DPH6: variants seen among roughly 807,000 people sequenced by gnomAD.
DPH6 encodes the protein diphthamine biosynthesis 6.
DPH6 carries 33 observed loss-of-function variants against 38.2 expected under a neutral mutation model. The ratio of observed to expected loss-of-function variants is 0.86; its 90% confidence interval spans 0.65 to 1.15. DPH6 has a LOEUF of 1.15. DPH6 is among the 50% of genes most tolerant of loss of function. The probability of loss-of-function intolerance (pLI) is 0.00; values close to 1 mark genes in which losing one functional copy is unlikely to be tolerated. For synonymous variants in DPH6, 108 were observed against 103.0 expected, an observed-to-expected ratio of 1.05 and a Z score of -0.30; for missense variants, 325 against 320.0, an observed-to-expected ratio of 1.02 and a Z score of -0.12.
chr15:35,345,506 TTGTC>T (rs1337452818), intron 3 of DPH6, among the ~76,000 whole-genome samples: 6 of 152,050 alleles, frequency 3.9e-5, no homozygotes, highest in Admixed American at 2.6e-4. Context: ...TTATGCGTGG[TTGTC>T]TGTATTATTC....
At chr15:35,506,475 G>C (rs1248562649) in intron 3 of DPH6, among the ~76,000 whole-genome samples, 1 of 152,086 alleles carries the variant, frequency 6.6e-6, no homozygotes, top group Non-Finnish European at 1.5e-5. Context: ...GCATTTAAGT[G>C]GACTACATTA....
intron 3 of DPH6, among the ~76,000 whole-genome samples, chr15:35,357,549 C>T (rs1031525238): frequency 6.6e-6 from 1 of 152,166 alleles, no homozygotes; most frequent in Admixed American, 6.5e-5. Context: ...ATTGAAAGCT[C>T]CTTTTAGTTC....
At chr15:35,166,096 A>G in the DPH6 span, among the ~76,000 whole-genome samples, 1 of 152,002 alleles carries the variant, frequency 6.6e-6, no homozygotes, top group Non-Finnish European at 1.5e-5. Flanking sequence ...TTTTAAGCTG[A>G]AGGAATTTGA....
chr15:35,439,210 G>C (rs1468893780), intron 5 of DPH6, among the ~76,000 whole-genome samples: 2 of 152,224 alleles, frequency 1.3e-5, no homozygotes, highest in Admixed American at 6.5e-5. Flanking sequence ...CAGAACACGA[G>C]TTAATGGAAT....
At chr15:35,335,062 CTCT>C (rs1355214606) in intron 3 of DPH6, among the ~76,000 whole-genome samples, 1 of 152,036 alleles carries the variant, frequency 6.6e-6, no homozygotes, top group Admixed American at 6.6e-5. Flanking sequence ...TTGCCAGTAT[CTCT>C]TGTTTTTTGA....
chr15:35,527,808 C>A (rs1487425649), intron 3 of DPH6, among the ~76,000 whole-genome samples: 1 of 152,146 alleles, frequency 6.6e-6, no homozygotes, highest in Admixed American at 6.5e-5. Context: ...AAACTGAAGT[C>A]ATATTGCAGT....
intron 3 of DPH6, among the ~76,000 whole-genome samples, chr15:35,470,302 G>T (rs1033206770): frequency 9.2e-5 from 14 of 152,072 alleles, no homozygotes; most frequent in Admixed American, 2.6e-4. Context: ...AGACGCCAAG[G>T]TCAAAGAGGT....
chr15:35,436,419 T>C (rs1189034483), intron 5 of DPH6, among the ~76,000 whole-genome samples: 3 of 150,430 alleles, frequency 2.0e-5, no homozygotes, highest in Non-Finnish European at 2.9e-5. Flanking sequence ...TGAGCCGAGA[T>C]GGCGCCACTG....
At chr15:35,344,728 T>A (rs1198178976) in intron 3 of DPH6, among the ~76,000 whole-genome samples, 1 of 151,930 alleles carries the variant, frequency 6.6e-6, no homozygotes, top group Non-Finnish European at 1.5e-5. Flanking sequence ...TCTAACTGAA[T>A]AACTTTATTC....
At chr15:35,542,965 TA>T (rs1555410132) in intron 1 of DPH6, among the ~76,000 whole-genome samples, 2 of 76,132 alleles carry the variant, frequency 2.6e-5, no homozygotes, top group African/African-American at 4.2e-5. Context: ...TATATATATA[TA>T]AAATAATTTC....
intron 3 of DPH6, among the ~76,000 whole-genome samples, chr15:35,351,798 T>G (rs565232638): frequency 2.7e-4 from 41 of 151,688 alleles, no homozygotes; most frequent in Admixed American, 1.2e-3. Context: ...TATGGCTCAC[T>G]GCAGCACTGA....
chr15:35,311,974 T>G (rs887036063), intron 3 of DPH6, among the ~76,000 whole-genome samples: 4 of 144,592 alleles, frequency 2.8e-5, no homozygotes, highest in African/African-American at 1.0e-4. Context: ...AATAACTACT[T>G]TAATGATACA....
chr15:35,218,522 G>A (rs2051423123), exon 4 of DPH6: 1 of 152,158 alleles, frequency 6.6e-6, no homozygotes, highest in Admixed American at 6.5e-5. Flanking sequence ...TGACCTTAAT[G>A]AGAACCTAAT....
intron 3 of DPH6, among the ~76,000 whole-genome samples, chr15:35,487,632 C>T (rs1340888908): frequency 2.0e-5 from 3 of 152,224 alleles, no homozygotes; most frequent in Non-Finnish European, 4.4e-5. Flanking sequence ...TTTCCCTCCT[C>T]GGCCTCCAGG....
the DPH6 span, among the ~76,000 whole-genome samples, chr15:35,147,763 G>A: frequency 6.6e-6 from 1 of 152,186 alleles, no homozygotes; most frequent in Non-Finnish European, 1.5e-5. Flanking sequence ...GCAGGTGAGT[G>A]AGAATTACTA....
intron 5 of DPH6, among the ~76,000 whole-genome samples, chr15:35,431,890 C>T (rs1355864122): frequency 6.6e-6 from 1 of 152,140 alleles, no homozygotes; most frequent in Non-Finnish European, 1.5e-5. Flanking sequence ...CAGGTTCACA[C>T]CATTCTCCTG....
the DPH6 span, among the ~76,000 whole-genome samples, chr15:35,194,369 C>CAGAGAGAGAGAGAGAGAGAGAGAG: frequency 3.0e-3 from 439 of 144,674 alleles, 3 homozygotes; most frequent in African/African-American, 0.01. Context: ...TTCCTTTTTC[C>CAGAGAGAGAGAGAGAGAGAGAGAG]AGAGAGAGAG....
At chr15:35,317,386 GAAAGA>G (rs2140837762) in intron 3 of DPH6, among the ~76,000 whole-genome samples, 1 of 135,894 alleles carries the variant, frequency 7.4e-6, no homozygotes, top group Admixed American at 7.6e-5. Flanking sequence ...GAAAGAAAAA[GAAAGA>G]AAAGGAAAGA....
rs1454693937 is a variant in DPH6 at position 35,279,062 on chromosome 15, A to ATATAT, written n.201-58481_201-58480insATATA. On this transcript the variant is annotated intron_variant and non_coding_transcript_variant, in intron 3 of 3. Transcript: ENST00000560386. ...AGACTCTGTCTCAAAAAAAAAAAAA[A>ATATAT]AAAAAAATATATATATATATATAAT... is the stretch of plus-strand genomic sequence containing the variant. Among the ~76,000 whole-genome samples, 8 of 122,038 alleles carry ATATAT rather than the reference A, an allele frequency of 6.6e-5. No individual in the cohort carries two copies. The South Asian group carries it at 1.3e-3, about 20-fold the overall frequency. The allele number at this position is 122,038 out of a possible 152,430, so 80.1% of individuals were successfully genotyped here.
Sources: allele counts gnomAD v4.1 joint callset (sites outside exome capture counted in the v4.1 genomes callset), GRCh38; gene constraint gnomAD v4.1.1; transcripts MANE v1.5; gene names NCBI Gene and HGNC (gene_info 2026-07-23, HGNC 2026-07-21).